The following MATCAP2 variants were observed in gnomAD, a reference collection of about 807,000 sequenced individuals.
MATCAP2 encodes microtubule associated tyrosine carboxypeptidase 2, also known as putative tyrosine carboxypeptidase MATCAP2.
the MATCAP2 span, among the ~76,000 whole-genome samples, chr7:36,352,674 A>C: frequency 2.0e-5 from 3 of 151,932 alleles, no homozygotes; most frequent in Admixed American, 6.6e-5. Context: ...TTTACTAAAA[A>C]TACAAAAATT....
At chr7:36,337,627 A>C in the MATCAP2 span, 2 of 152,130 alleles carry the variant, frequency 1.3e-5, no homozygotes, top group Non-Finnish European at 2.9e-5. Flanking sequence ...TGAGCAAGTC[A>C]CTAAACTTGT....
chr7:36,357,190 C>A, the MATCAP2 span: 1 of 1,614,042 alleles, frequency 6.2e-7, no homozygotes, highest in East Asian at 2.2e-5. Flanking sequence ...CTATGCCATT[C>A]CCTGTAACAG....
chr7:36,379,167 C>T, the MATCAP2 span, among the ~76,000 whole-genome samples: 2 of 152,250 alleles, frequency 1.3e-5, no homozygotes, highest in Non-Finnish European at 2.9e-5. Context: ...GCAGAAATCA[C>T]CCATCTTCTG....
chr7:36,364,627 T>C, the MATCAP2 span, among the ~76,000 whole-genome samples: 4 of 152,166 alleles, frequency 2.6e-5, no homozygotes, highest in Admixed American at 6.5e-5. Flanking sequence ...TCAGTACTCT[T>C]ACCACAATCA....
chr7:36,326,702 C>A, the MATCAP2 span: 1 of 1,459,080 alleles, frequency 6.9e-7, no homozygotes, highest in Non-Finnish European at 9.3e-7. Flanking sequence ...GCTAACTGCA[C>A]CTAACTGGTA....
the MATCAP2 span, chr7:36,337,880 A>G: frequency 6.6e-6 from 1 of 152,192 alleles, no homozygotes; most frequent in African/African-American, 2.4e-5. Flanking sequence ...TGTCTGTGAC[A>G]TAATAAGTAG....
At chr7:36,364,091 C>CTTT in the MATCAP2 span, among the ~76,000 whole-genome samples, 12 of 40,624 alleles carry the variant, frequency 3.0e-4, no homozygotes, top group South Asian at 5.1e-4. Flanking sequence ...TCTTCTTCTT[C>CTTT]TTTTTTTTTT....
the MATCAP2 span, chr7:36,356,906 T>G: frequency 1.2e-6 from 2 of 1,613,806 alleles, no homozygotes; most frequent in Non-Finnish European, 1.7e-6. Context: ...TTTTACCTGC[T>G]TAAGAAATCG....
the MATCAP2 span, among the ~76,000 whole-genome samples, chr7:36,360,394 C>T: frequency 2.6e-5 from 4 of 152,114 alleles, no homozygotes; most frequent in Non-Finnish European, 5.9e-5. Context: ...CCTGACAGAA[C>T]CTCTCTCCCC....
At chr7:36,335,267 T>G in the MATCAP2 span, 1 of 1,198,148 alleles carries the variant, frequency 8.3e-7, no homozygotes, top group Non-Finnish European at 1.2e-6. Context: ...GGCCTGTAAA[T>G]TAACACTGTT....
the MATCAP2 span, chr7:36,390,245 T>A: frequency 1.3e-6 from 1 of 794,604 alleles, no homozygotes; most frequent in Non-Finnish European, 2.0e-6. Flanking sequence ...GTTTCGGTCC[T>A]ACAGATAAAA....
chr7:36,349,586 AG>A, the MATCAP2 span, among the ~76,000 whole-genome samples: 2 of 152,162 alleles, frequency 1.3e-5, no homozygotes, highest in Admixed American at 1.3e-4. Flanking sequence ...CTGTGTTATC[AG>A]GGCTGGGAGT....
the MATCAP2 span, chr7:36,356,985 T>G: frequency 2.5e-6 from 4 of 1,614,188 alleles, no homozygotes; most frequent in African/African-American, 5.3e-5. Flanking sequence ...AACTGAGGAT[T>G]GTAGGTATAG....
the MATCAP2 span, among the ~76,000 whole-genome samples, chr7:36,353,711 C>T: frequency 1.3e-5 from 2 of 152,142 alleles, no homozygotes; most frequent in Non-Finnish European, 2.9e-5. Flanking sequence ...GAACTTCTGA[C>T]CTCAAGTGAT....
chr7:36,342,282 C>A, the MATCAP2 span, among the ~76,000 whole-genome samples: 34 of 151,572 alleles, frequency 2.2e-4, no homozygotes, highest in African/African-American at 8.0e-4. Context: ...TGGGTTCAAG[C>A]GATTCTCCTG....
At chr7:36,389,663 A>G in the MATCAP2 span, 1 of 221,146 alleles carries the variant, frequency 4.5e-6, no homozygotes, top group East Asian at 9.8e-5. Flanking sequence ...GAGAGCAGGA[A>G]GCGCCCCGCT....
the MATCAP2 span, chr7:36,383,867 G>C: frequency 6.2e-7 from 1 of 1,601,430 alleles, no homozygotes; most frequent in Admixed American, 1.7e-5. Flanking sequence ...ACCTGAGGTA[G>C]AGAACTTGAG....
the MATCAP2 span, chr7:36,366,641 G>GT: frequency 2.0e-6 from 3 of 1,510,848 alleles, no homozygotes; most frequent in Non-Finnish European, 2.7e-6. Flanking sequence ...TTGTACCTTT[G>GT]TAAGACCAGC....
At chr7:36,382,067 C>A in the MATCAP2 span, among the ~76,000 whole-genome samples, 7 of 151,486 alleles carry the variant, frequency 4.6e-5, no homozygotes, top group Non-Finnish European at 8.8e-5. Flanking sequence ...CCGAGGTGGG[C>A]AGATCACCTG....
Sources: gnomAD v4.1 joint callset for allele counts (sites outside exome capture counted in the v4.1 genomes callset) on GRCh38, gnomAD v4.1.1 for gene constraint, MANE v1.5 for transcripts, NCBI Gene and HGNC (gene_info 2026-07-23, HGNC 2026-07-21) for gene names.